ADAM12: variants seen among roughly 807,000 people sequenced by gnomAD.
The protein encoded by ADAM12 is ADAM metallopeptidase domain 12, also known as disintegrin and metalloproteinase domain-containing protein 12.
ADAM12 carries 70 observed loss-of-function variants against 106.4 expected under a neutral mutation model. The ratio of observed to expected loss-of-function variants is 0.66; its 90% CI spans 0.54 to 0.80. The LOEUF is 0.80. Ranked by LOEUF, ADAM12 falls within the 30% of genes least tolerant of loss-of-function variation. ADAM12 has a pLI of 0.00. For missense variants in ADAM12, 1,010 were observed against 1,171.9 expected (o/e 0.86, Z 2.02); for synonymous variants, 420 against 433.5 (o/e 0.97, Z 0.39).
chr10:126,305,355 CA>C (rs1429204808), intron 2 of ADAM12, among the ~76,000 whole-genome samples: 2 of 151,944 alleles, frequency 1.3e-5, no homozygotes, highest in Non-Finnish European at 2.9e-5. Context: ...CAAAAGGAGC[CA>C]GACACAAAAG....
intron 3 of ADAM12, among the ~76,000 whole-genome samples, chr10:126,277,415 A>T (rs938362013): frequency 6.6e-5 from 10 of 152,072 alleles, no homozygotes; most frequent in African/African-American, 2.4e-4. Context: ...AATAAAGAAC[A>T]CTCCTAAATC....
In ADAM12 at chr10:126,049,119, T is replaced by C; in HGVS notation, c.1917+134A>G. ...AGACCAGGATCTAGGATTTATTGAC[T>C]TTTTCTTCTAGGTGCATCTGAGAAG... On this transcript the variant is annotated intron_variant, in intron 16 of 22. Coordinates refer to ENST00000448723, the MANE Select transcript of ADAM12 (RefSeq NM_001288973.2). This position sits in a 1 kb window ranked among gnomAD's most constrained non-coding sequence, Gnocchi z 4.4. The C allele has an allele frequency of 4.2e-6, 5 of 1,193,266 alleles. No individual in the cohort carries two copies. The South Asian group carries it at 6.9e-5, about 17-fold the overall frequency. The allele number at this position is 1,193,266 out of a possible 1,614,324, so 73.9% of individuals were successfully genotyped here.
intron 3 of ADAM12, among the ~76,000 whole-genome samples, chr10:126,248,631 G>A (rs1364874069): frequency 6.6e-6 from 1 of 152,028 alleles, no homozygotes; most frequent in African/African-American, 2.4e-5. Flanking sequence ...GCTAGGTATT[G>A]TTTTAGGAGC....
chr10:126,158,474 T>C (rs553681392), intron 3 of ADAM12, among the ~76,000 whole-genome samples: 1,054 of 78,914 alleles, frequency 0.013, 55 homozygotes, highest in African/African-American at 0.053. Context: ...GCACAGAGCA[T>C]GGGGAGAGGA....
chr10:126,169,900 G>A (rs1463547307), intron 3 of ADAM12, among the ~76,000 whole-genome samples: 1 of 152,164 alleles, frequency 6.6e-6, no homozygotes, highest in African/African-American at 2.4e-5. Flanking sequence ...CACACCAGCT[G>A]GTATCTCAGA....
intron 11 of ADAM12, among the ~76,000 whole-genome samples, chr10:126,078,711 T>G (rs1042060720): frequency 6.6e-6 from 1 of 152,178 alleles, no homozygotes; most frequent in Non-Finnish European, 1.5e-5. Flanking sequence ...TTTTATACTT[T>G]TTTTTGAATT....
chr10:126,354,376 A>G (rs570196306), intron 1 of ADAM12, among the ~76,000 whole-genome samples: 2 of 152,322 alleles, frequency 1.3e-5, no homozygotes, highest in East Asian at 3.9e-4. Flanking sequence ...CAAGTAACTC[A>G]TAGTCCTGTG....
intron 3 of ADAM12, among the ~76,000 whole-genome samples, chr10:126,268,430 G>A (rs1308387456): frequency 1.3e-5 from 2 of 152,148 alleles, no homozygotes; most frequent in East Asian, 1.9e-4. Context: ...CCGCTGCCAC[G>A]AATGTGGGTG....
intron 1 of ADAM12, among the ~76,000 whole-genome samples, chr10:126,384,047 A>G (rs1856574028): frequency 6.6e-6 from 1 of 152,202 alleles, no homozygotes; most frequent in African/African-American, 2.4e-5. Flanking sequence ...TTTCTGCTGT[A>G]TTACTGCCTG....
chr10:126,051,163 C>T (rs1954472184), intron 14 of ADAM12, among the ~76,000 whole-genome samples: 1 of 152,156 alleles, frequency 6.6e-6, no homozygotes, highest in Non-Finnish European at 1.5e-5. Flanking sequence ...GGAACCTGCA[C>T]TTTGTGCTTA....
At position 126,101,154 on chromosome 10, in the gene ADAM12, A is replaced by G. The variant is rs1955658463; in HGVS notation, c.829T>C (p.Phe277Leu). ...MDKCSVSQDP[F>L]TSLHEFLDWR... ...TCCAGAAATTCATGGAGGCTGGTGAATGGGTCCTGACTTACAGAGCATTTG... is the reference window on the plus strand; with the variant it reads ...TCCAGAAATTCATGGAGGCTGGTGAGTGGGTCCTGACTTACAGAGCATTTG... Residue 277 changes from phenylalanine to leucine, a missense_variant, in exon 9 of 23, where the codon TTC (phenylalanine) becomes CTC (leucine). Physicochemically the swap from Phe to Leu is conservative, Grantham distance 22. This residue lies in a region of ADAM12 where 391 missense variants were observed against 442.9 expected (regional missense o/e 0.88). Coordinates refer to ENST00000448723, the MANE Select transcript of ADAM12 (RefSeq NM_001288973.2). The G allele has an allele frequency of 6.2e-7, 1 of 1,613,992 alleles. No homozygotes were observed. The highest frequency in any genetic ancestry group is 1.3e-5 in the African/African-American group (1 of 74,906).
At chr10:126,327,491 T>C (rs535361519) in intron 2 of ADAM12, among the ~76,000 whole-genome samples, 1 of 152,006 alleles carries the variant, frequency 6.6e-6, no homozygotes, top group Non-Finnish European at 1.5e-5. Flanking sequence ...GGCACAGTGG[T>C]TCAGCCTATA....
intron 3 of ADAM12, among the ~76,000 whole-genome samples, chr10:126,273,896 G>T (rs1394724152): frequency 6.6e-6 from 1 of 152,210 alleles, no homozygotes; most frequent in East Asian, 1.9e-4. Flanking sequence ...AGGCCAAGGT[G>T]GGCAGATCGC....
At chr10:126,109,919 A>T in intron 6 of ADAM12, 79 bp from the exon 7 acceptor site, 25 of 1,370,436 alleles carry the variant, frequency 1.8e-5, no homozygotes, top group Non-Finnish European at 2.5e-5. Context: ...CAATCTAAAC[A>T]CTTTAGGTTG....
At chr10:126,152,845 CTT>C (rs1258173973) in intron 4 of ADAM12, among the ~76,000 whole-genome samples, 2 of 152,274 alleles carry the variant, frequency 1.3e-5, no homozygotes, top group South Asian at 2.1e-4. Context: ...AGGACACACT[CTT>C]ATCAAAATCT....
intron 1 of ADAM12, among the ~76,000 whole-genome samples, chr10:126,384,107 G>A (rs1856577299): frequency 6.6e-6 from 1 of 152,188 alleles, no homozygotes; most frequent in African/African-American, 2.4e-5. Context: ...GAGACCATGA[G>A]GAAGTAAGCA....
intron 3 of ADAM12, among the ~76,000 whole-genome samples, chr10:126,232,731 C>T (rs1009166967): frequency 3.3e-5 from 5 of 152,152 alleles, no homozygotes; most frequent in African/African-American, 1.2e-4. Context: ...TGCAGCAAAA[C>T]GAGTGACTTG....
rs190693098 is a variant in ADAM12 at position 126,111,564 on chromosome 10, G to T, written c.604-1724C>A. 7.2e-5 allele frequency among the ~76,000 whole-genome samples: 11 copies of T among 152,088 alleles called. No homozygotes were observed. In the East Asian group the frequency reaches 1.6e-3, roughly 22 times the overall value. ...TGAAAAGCTCATGGAAAGGAATCTG[G>T]TTGTTTAGACGTTTACACTTTTCAG... On this transcript the variant is annotated intron_variant, in intron 6 of 22. Coordinates refer to ENST00000448723, the MANE Select transcript of ADAM12 (RefSeq NM_001288973.2).
At chr10:126,242,355 C>T (rs1196720064) in intron 3 of ADAM12, among the ~76,000 whole-genome samples, 2 of 152,186 alleles carry the variant, frequency 1.3e-5, no homozygotes, top group African/African-American at 2.4e-5. Flanking sequence ...TTTCTACCAG[C>T]AGGGAATAGA....
Sources: gnomAD v4.1 joint callset for allele counts (sites outside exome capture counted in the v4.1 genomes callset) on GRCh38, gnomAD v4.1.1 for gene constraint, gnomAD v4.1.1 regional missense constraint, Gnocchi (gnomAD v3.1) non-coding constraint, MANE v1.5 for transcripts, NCBI Gene and HGNC (gene_info 2026-07-23, HGNC 2026-07-21) for gene names.